The following IQUB variants were observed in gnomAD, a reference collection of about 807,000 sequenced individuals.
IQUB encodes the protein IQ motif and ubiquitin domain containing, also known as IQ motif and ubiquitin-like domain-containing protein.
Under a neutral mutation model 86.4 loss-of-function variants are expected in IQUB, and 86 were observed. The observed-to-expected ratio is 1.00, with a 90% CI of 0.84 to 1.19. The LOEUF (loss-of-function observed/expected upper bound fraction) is 1.19, where lower values mean the gene tolerates loss of function less well. IQUB is among the 50% of genes most tolerant of loss of function. The probability of loss-of-function intolerance (pLI) is 0.00; values close to 1 mark genes in which losing one functional copy is unlikely to be tolerated. For missense variants in IQUB, 946 were observed against 916.9 expected, an observed-to-expected ratio of 1.03 and a Z score of -0.41; for synonymous variants, 289 against 304.5, an observed-to-expected ratio of 0.95 and a Z score of 0.53.
intron 8 of IQUB, among the ~76,000 whole-genome samples, chr7:123,473,719 G>A (rs1245076893): frequency 6.7e-6 from 1 of 149,864 alleles, no homozygotes; most frequent in Non-Finnish European, 1.5e-5. Flanking sequence ...GGGATTACAG[G>A]CACCCGCCAC....
chr7:123,480,432 T>TG (rs1794954894), intron 7 of IQUB, among the ~76,000 whole-genome samples: 1 of 152,130 alleles, frequency 6.6e-6, no homozygotes, highest in African/African-American at 2.4e-5. Context: ...AAGCACCATG[T>TG]GGGAGTCAGA....
Position 123,461,494 on chromosome 7 carries a change from G to T in IQUB, c.1870C>A (p.Arg624=). 3 of 1,612,324 alleles carry T rather than the reference G, an allele frequency of 1.9e-6. No individual in the cohort carries two copies. Among genetic ancestry groups the T allele is most frequent in the Middle Eastern group, 1.7e-4 (1 of 6,056 alleles). Residue 624 remains arginine, a synonymous_variant, in exon 11 of 13, where the codon CGG becomes AGG. Transcript: ENST00000324698. ...SVSSTSRRIY[R]CRNCINLQNE... is the part of the protein sequence containing the mutation. Reference sequence around the variant, plus strand: ...TGAAGGTTAATGCAGTTACGACACCGGTATATGCGGCGTGAGGTGGATGAT... The same window carrying T: ...TGAAGGTTAATGCAGTTACGACACCTGTATATGCGGCGTGAGGTGGATGAT...
At chr7:123,453,255 C>CTAGT (rs1793522212) in intron 12 of IQUB, among the ~76,000 whole-genome samples, 2 of 102,860 alleles carry the variant, frequency 1.9e-5, no homozygotes, top group Non-Finnish European at 4.1e-5. Context: ...CTGGGGGTAT[C>CTAGT]TAGTTAGAAT....
chr7:123,494,817 C>A (rs1300589579), intron 7 of IQUB, among the ~76,000 whole-genome samples: 2 of 152,014 alleles, frequency 1.3e-5, no homozygotes, highest in Non-Finnish European at 2.9e-5. Flanking sequence ...ATGAAGAAAT[C>A]GAGGTTTAGG....
rs774803064 is a variant in IQUB at position 123,503,302 on chromosome 7, T to C, written c.594A>G (p.Val198=). The C allele has an allele frequency of 1.2e-6, 2 of 1,603,016 alleles. No individual in the cohort carries two copies. The highest frequency in any genetic ancestry group is 2.2e-5 in the South Asian group (2 of 90,348). The stretch of plus-strand genomic sequence containing the variant: ...GATTTGTAGAAAAGATTTCCACTTG[T>C]ACAATTTCCTGTGGCTTAACTCCAT... ...VQHGVKPQEI[V]QVEIFSTNPD... Residue 198 remains valine (V), a synonymous_variant, in exon 4 of 13, where the codon GTA becomes GTG. Transcript: ENST00000324698.
In IQUB at chr7:123,510,024, G is replaced by A; in HGVS notation, c.409C>T (p.Leu137Phe). Residue 137 changes from leucine (L) to phenylalanine (F), a missense_variant, in exon 3 of 13, where the codon CTT (leucine) becomes TTT (phenylalanine). Transcript: ENST00000324698. ...EDSLATVKVV[L>F]IPVGQEIVIP... ...ACAATTTCCTGGCCCACTGGAATAA[G>A]TACAACTTTTACTGTAAATTAAATA... 1 of 1,558,200 alleles carries A rather than the reference G, an allele frequency of 6.4e-7. No homozygotes were observed. Among genetic ancestry groups the A allele is most frequent in the Non-Finnish European group, 8.7e-7 (1 of 1,143,142 alleles).
chr7:123,490,913 A>C (rs113720333), intron 7 of IQUB, among the ~76,000 whole-genome samples: 5,276 of 151,984 alleles, frequency 0.035, 187 homozygotes, highest in Non-Finnish European at 0.047. Context: ...GTGGTGAGCC[A>C]AGATCATGCC....
chr7:123,519,953 G>A (rs1179573328), intron 1 of IQUB, among the ~76,000 whole-genome samples: 1 of 130,238 alleles, frequency 7.7e-6, no homozygotes, highest in Admixed American at 8.2e-5. Flanking sequence ...GAAAAGCATT[G>A]GCCATGGCTG....
At chr7:123,478,001 A>T (rs1234697866) in intron 8 of IQUB, among the ~76,000 whole-genome samples, 1 of 152,218 alleles carries the variant, frequency 6.6e-6, no homozygotes, top group Admixed American at 6.5e-5. Flanking sequence ...GGGAGTGTAA[A>T]CTAGTTCAAC....
intron 1 of IQUB, among the ~76,000 whole-genome samples, chr7:123,522,356 A>G (rs1796944931): frequency 1.3e-5 from 2 of 152,164 alleles, no homozygotes; most frequent in Admixed American, 1.3e-4. Context: ...AACAGTGACT[A>G]ATTTATTAGT....
chr7:123,457,444 C>A lies in IQUB; in HGVS notation c.2130G>T (p.Trp710Cys). ...RWNKSLEWSP[W>C]NCILLTKDEA... ...CATCTTTGGTAAGAAGAATGCAGTT[C>A]CAGGGGGACCACTCCAGGGATTTAT... Residue 710 changes from tryptophan (W) to cysteine (C), a missense_variant, in exon 12 of 13, where the codon TGG becomes TGT. Trp to Cys is a radical substitution (Grantham distance 215). Transcript: ENST00000324698. 4 of 1,612,592 alleles carry A rather than the reference C, an allele frequency of 2.5e-6. No homozygotes were observed. The highest frequency in any genetic ancestry group is 1.1e-5 in the South Asian group (1 of 90,982).
At chr7:123,525,082 G>T (rs1268713614) in intron 1 of IQUB, among the ~76,000 whole-genome samples, 1 of 152,214 alleles carries the variant, frequency 6.6e-6, no homozygotes, top group Non-Finnish European at 1.5e-5. Flanking sequence ...GCTTTTTCAT[G>T]TGCTGCTGGA....
chr7:123,478,950 G>T (rs937591925), intron 8 of IQUB, among the ~76,000 whole-genome samples: 37 of 152,080 alleles, frequency 2.4e-4, no homozygotes, highest in African/African-American at 8.9e-4. Flanking sequence ...GATCTGGCAT[G>T]GAACTATAGG....
At chr7:123,509,061 T>C (rs796512547) in intron 3 of IQUB, among the ~76,000 whole-genome samples, 20 of 152,232 alleles carry the variant, frequency 1.3e-4, no homozygotes, top group African/African-American at 4.1e-4. Context: ...ACATTTACTA[T>C]AATAGATTTT....
At position 123,456,330 on chromosome 7, in the gene IQUB, T is replaced by C. The variant is rs184214757; in HGVS notation, c.2193+1051A>G. ...ATCTCATCATGGGTCCTAGATGAAA[T>C]GATATTGCTAGTATTGACTATGCTT... is the stretch of plus-strand genomic sequence containing the variant. On this transcript the variant is annotated intron_variant, in intron 12 of 12. Coordinates refer to ENST00000324698, the MANE Select transcript of IQUB (RefSeq NM_178827.5). 2.9e-4 allele frequency among the ~76,000 whole-genome samples: 44 copies of C among 152,218 alleles called. No individual in the cohort carries two copies. The East Asian group carries it at 7.3e-3, about 25-fold the overall frequency.
chr7:123,474,755 T>C (rs187784453), intron 8 of IQUB, among the ~76,000 whole-genome samples: 2 of 152,326 alleles, frequency 1.3e-5, no homozygotes, highest in African/African-American at 4.8e-5. Context: ...CTTCCTGTCC[T>C]AATACAAGTC....
At chr7:123,485,446 T>C (rs1260810095) in intron 7 of IQUB, among the ~76,000 whole-genome samples, 2 of 152,106 alleles carry the variant, frequency 1.3e-5, no homozygotes, top group Non-Finnish European at 2.9e-5. Context: ...GATTTCAACA[T>C]ATGGATTTGG....
chr7:123,467,214 G>A (rs1293667799), intron 9 of IQUB, among the ~76,000 whole-genome samples: 1 of 151,904 alleles, frequency 6.6e-6, no homozygotes, highest in Admixed American at 6.6e-5. Flanking sequence ...CTATACCAAT[G>A]GTCCTAATAA....
At chr7:123,492,641 C>T (rs1173006420) in intron 7 of IQUB, among the ~76,000 whole-genome samples, 1 of 152,154 alleles carries the variant, frequency 6.6e-6, no homozygotes, top group African/African-American at 2.4e-5. Context: ...CCTCTGAACA[C>T]ACCCTCACCT....
Sources: gnomAD v4.1 joint callset for allele counts (sites outside exome capture counted in the v4.1 genomes callset) on GRCh38, gnomAD v4.1.1 for gene constraint, MANE v1.5 for transcripts, NCBI Gene and HGNC (gene_info 2026-07-23, HGNC 2026-07-21) for gene names.